CACNA1A: variants seen among roughly 807,000 people sequenced by gnomAD.
The protein encoded by CACNA1A is voltage-dependent P/Q-type calcium channel subunit alpha-1A.
Under a neutral mutation model 262.4 loss-of-function variants are expected in CACNA1A, and 57 were observed. That is an observed-to-expected ratio of 0.22 (90% CI 0.18 to 0.27). The LOEUF is 0.27. Ranked by LOEUF, CACNA1A falls within the 10% of genes least tolerant of loss-of-function variation. The pLI, the probability that CACNA1A is intolerant of heterozygous loss-of-function variation, is 1.00. For synonymous variants in CACNA1A, 1,431 were observed against 1,419.3 expected, an observed-to-expected ratio of 1.01 and a Z score of -0.18; for missense variants, 2,526 against 3,562.8, an observed-to-expected ratio of 0.71 and a Z score of 7.41.
intron 1 of CACNA1A, among the ~76,000 whole-genome samples, chr19:13,488,767 G>C (rs531159336): frequency 6.6e-6 from 1 of 151,890 alleles, no homozygotes; most frequent in African/African-American, 2.4e-5. Context: ...TCTCACTGAA[G>C]AGCAGATTGG....
At chr19:13,389,379 C>T (rs966850202) in intron 3 of CACNA1A, among the ~76,000 whole-genome samples, 10 of 152,098 alleles carry the variant, frequency 6.6e-5, no homozygotes, top group African/African-American at 9.7e-5. Context: ...TAAGCATTCT[C>T]GTACCTGCCC....
rs117736989 is a variant in CACNA1A, at chr19:13,340,729, G to C, written c.979-4820C>G. Among the ~76,000 whole-genome samples the C allele has an allele frequency of 5.5e-3, 844 of 152,242 alleles. 3 individuals are homozygous for C. The highest frequency in any genetic ancestry group is 8.3e-3 in the Non-Finnish European group (564 of 68,010). ...GGTGTGAGCCATCACGCCTGGCCGA[G>C]AGGTCAAGTTACATGCCCACAGTTC... On this transcript the variant is annotated intron_variant, in intron 6 of 46. Transcript: ENST00000360228.
At chr19:13,338,102 C>T (rs1174919071) in intron 6 of CACNA1A, among the ~76,000 whole-genome samples, 3 of 152,084 alleles carry the variant, frequency 2.0e-5, no homozygotes, top group Non-Finnish European at 4.4e-5. Context: ...GCGCCTGTAG[C>T]TACCTGGGAG....
chr19:13,331,336 A>G lies in CACNA1A; in HGVS notation c.1256-1003T>C, dbSNP rs146747149. 3.5e-3 allele frequency among the ~76,000 whole-genome samples: 526 copies of G among 152,100 alleles called. 2 individuals are homozygous for G. The highest frequency in any genetic ancestry group is 0.012 in the African/African-American group (484 of 41,502). ...ACCGCAACTTCCGTCTCCCAGGTTC[A>G]AGCAATTCTCGTAGTTTAGCCTCCT... On this transcript the variant is annotated intron_variant, in intron 9 of 46. Transcript: ENST00000360228.
At chr19:13,270,030 G>T (rs925665762) in intron 24 of CACNA1A, among the ~76,000 whole-genome samples, 1 of 152,124 alleles carries the variant, frequency 6.6e-6, no homozygotes, top group Non-Finnish European at 1.5e-5. Flanking sequence ...TCGCAGCCCT[G>T]CCAGGCCTCA....
chr19:13,466,044 A>C (rs762658855), intron 1 of CACNA1A, among the ~76,000 whole-genome samples: 3 of 152,106 alleles, frequency 2.0e-5, no homozygotes, highest in Non-Finnish European at 4.4e-5. Flanking sequence ...TAATGGGTAC[A>C]AGGTCTCCTT....
chr19:13,318,106 G>A (rs1008134048), intron 10 of CACNA1A, among the ~76,000 whole-genome samples: 1 of 150,624 alleles, frequency 6.6e-6, no homozygotes, highest in Non-Finnish European at 1.5e-5. Flanking sequence ...AACACAGCGA[G>A]ACAAGTTCTT....
chr19:13,323,615 G>A (rs546648991), intron 10 of CACNA1A, among the ~76,000 whole-genome samples: 2 of 152,026 alleles, frequency 1.3e-5, no homozygotes, highest in East Asian at 3.9e-4. Flanking sequence ...ATTTTTAATT[G>A]GGTTGTTTTC....
intron 3 of CACNA1A, among the ~76,000 whole-genome samples, chr19:13,433,197 G>A (rs1300668184): frequency 6.6e-6 from 1 of 151,502 alleles, no homozygotes; most frequent in Non-Finnish European, 1.5e-5. Flanking sequence ...AGAGGCTGAG[G>A]CAGGAGAATG....
intron 30 of CACNA1A, among the ~76,000 whole-genome samples, chr19:13,248,050 T>C (rs934270640): frequency 6.6e-6 from 1 of 152,134 alleles, no homozygotes; most frequent in Non-Finnish European, 1.5e-5. Flanking sequence ...ACTGGCTTAA[T>C]AATACACTCT....
In CACNA1A at chr19:13,505,879, C is replaced by T. The variant is rs16003; in HGVS notation, c.293+53G>A. The T allele has an allele frequency of 0.5, 769,316 of 1,550,156 alleles. 193,202 individuals are homozygous for T. Among genetic ancestry groups the T allele is most frequent in the South Asian group, 0.55 (47,201 of 85,772 alleles). Reference sequence around the variant, plus strand: ...CTCTCCCAGCCTGGAAGAGGGGAGGCGGAGGGAGGAGGGGGAGGCGCAGCT... The same window carrying T: ...CTCTCCCAGCCTGGAAGAGGGGAGGTGGAGGGAGGAGGGGGAGGCGCAGCT... On this transcript the variant is annotated intron_variant, in intron 1 of 46. Transcript: ENST00000360228.
chr19:13,425,247 A>G (rs946654007), intron 3 of CACNA1A, among the ~76,000 whole-genome samples: 1 of 152,220 alleles, frequency 6.6e-6, no homozygotes, highest in Non-Finnish European at 1.5e-5. Flanking sequence ...CCCCAAATAA[A>G]TAAGTGAAGT....
intron 36 of CACNA1A, chr19:13,227,779 G>A: frequency 4.0e-6 from 1 of 250,908 alleles, no homozygotes; most frequent in Non-Finnish European, 7.6e-6. Flanking sequence ...TCGGGAGCAG[G>A]GAGAGAGAGA....
chr19:13,397,989 C>T lies in CACNA1A; in HGVS notation c.540-26210G>A, dbSNP rs58275106. On this transcript the variant is annotated intron_variant, in intron 3 of 46. Coordinates refer to ENST00000360228, the MANE Select transcript of CACNA1A (RefSeq NM_001127222.2). ...AATACATTTTTTTTTTGGCCAGGCA[C>T]GGTGGCTCACGGCTGTAATCCCAGC... Among the ~76,000 whole-genome samples, 1,434 of 151,826 alleles carry T rather than the reference C, an allele frequency of 9.4e-3. 23 individuals are homozygous for T. The highest frequency in any genetic ancestry group is 0.032 in the African/African-American group (1,332 of 41,384).
Position 13,432,247 on chromosome 19 carries a change from T to C in CACNA1A, c.539+20629A>G, listed in dbSNP as rs1294047823. ...CTAGCCAACATGGTGAAACCCCGTC[T>C]CTACTAAAAATACAAAAATTAGCCG... is the stretch of plus-strand genomic sequence containing the variant. On this transcript the variant is annotated intron_variant, in intron 3 of 46. Coordinates refer to ENST00000360228, the MANE Select transcript of CACNA1A (RefSeq NM_001127222.2). Among the ~76,000 whole-genome samples, 4 of 148,892 alleles carry C rather than the reference T, an allele frequency of 2.7e-5. No homozygotes were observed. The Admixed American group carries it at 2.7e-4, about 10-fold the overall frequency.
intron 30 of CACNA1A, among the ~76,000 whole-genome samples, chr19:13,248,433 AG>A (rs2056309166): frequency 2.8e-5 from 4 of 143,166 alleles, no homozygotes; most frequent in Non-Finnish European, 6.0e-5. Context: ...AAAAAAAAAA[AG>A]AGAAAGCAGA....
At chr19:13,360,313 G>GAGAGAAC (rs140720214) in intron 5 of CACNA1A, among the ~76,000 whole-genome samples, 22,049 of 145,310 alleles carry the variant, frequency 0.15, 2,664 homozygotes, top group African/African-American at 0.31. Flanking sequence ...GGAAGACAGG[G>GAGAGAAC]AGAGAACGGG....
chr19:13,353,263 T>A (rs527435536), intron 6 of CACNA1A, among the ~76,000 whole-genome samples: 1 of 151,792 alleles, frequency 6.6e-6, no homozygotes, highest in Admixed American at 6.6e-5. Flanking sequence ...GGACTACAGA[T>A]GTACGCCACT....
intron 5 of CACNA1A, among the ~76,000 whole-genome samples, chr19:13,361,043 A>T (rs1239059707): frequency 6.6e-6 from 1 of 152,134 alleles, no homozygotes; most frequent in Non-Finnish European, 1.5e-5. Context: ...CCTTCTTCCG[A>T]CATCCATTAG....
Sources: allele counts gnomAD v4.1 joint callset (sites outside exome capture counted in the v4.1 genomes callset), GRCh38; gene constraint gnomAD v4.1.1; transcripts MANE v1.5; gene names NCBI Gene and HGNC (gene_info 2026-07-23, HGNC 2026-07-21).